LGALS2: variants seen among roughly 807,000 people sequenced by gnomAD.
LGALS2 encodes galectin 2, also known as galectin-2.
LGALS2 carries 7 observed loss-of-function variants against 10.1 expected under a neutral mutation model. The ratio of observed to expected loss-of-function variants is 0.70; its 90% CI spans 0.40 to 1.31. The LOEUF (loss-of-function observed/expected upper bound fraction) is 1.31, where lower values mean the gene tolerates loss of function less well. Ranked by LOEUF, LGALS2 falls within the 50% of genes most tolerant of loss-of-function variation. The probability of loss-of-function intolerance (pLI) is 0.01; values close to 1 mark genes in which losing one functional copy is unlikely to be tolerated. For missense variants in LGALS2, 167 were observed against 163.6 expected, an observed-to-expected ratio of 1.02 and a Z score of -0.11; for synonymous variants, 86 against 64.2, an observed-to-expected ratio of 1.34 and a Z score of -1.63.
At position 37,570,412 on chromosome 22, in the gene LGALS2, AC is replaced by A. The variant is rs1467673082; in HGVS notation, c.250-1del. On this transcript the variant is annotated splice_acceptor_variant, in intron 3 of 3. Coordinates refer to ENST00000215886, the MANE Select transcript of LGALS2 (RefSeq NM_006498.3). LOFTEE classifies it high-confidence loss of function. Reference sequence around the variant, plus strand: ...TTGTCACTCTCAAAGGTCACTGTGAACTGTGGGGAGGGAGGGTGTCAAGGAG... The same window carrying A: ...TTGTCACTCTCAAAGGTCACTGTGAATGTGGGGAGGGAGGGTGTCAAGGAG... The A allele has an allele frequency of 1.2e-6, 2 of 1,612,792 alleles. No homozygotes were observed. Among genetic ancestry groups the A allele is most frequent in the African/African-American group, 2.7e-5 (2 of 74,904 alleles).
At chr22:37,572,097 C>T (rs1306418294) in intron 1 of LGALS2, among the ~76,000 whole-genome samples, 166 bp from the exon 2 acceptor site, 2 of 152,216 alleles carry the variant, frequency 1.3e-5, no homozygotes, top group African/African-American at 4.8e-5. Context: ...AGCCAGAGCG[C>T]TCTGATCAAG....
At chr22:37,572,223 C>G (rs935922187) in intron 1 of LGALS2, among the ~76,000 whole-genome samples, 1 of 152,238 alleles carries the variant, frequency 6.6e-6, no homozygotes, top group African/African-American at 2.4e-5. Context: ...GTGCTTCCTG[C>G]CCAGTTCCGC....
Position 37,570,564 on chromosome 22 carries a change from C to T in LGALS2, c.249+12G>A. 1 of 1,614,214 alleles carries T rather than the reference C, an allele frequency of 6.2e-7. No individual in the cohort carries two copies. The highest frequency in any genetic ancestry group is 8.5e-7 in the Non-Finnish European group (1 of 1,180,022). On this transcript the variant is annotated intron_variant, in intron 3 of 3. Coordinates refer to ENST00000215886, the MANE Select transcript of LGALS2 (RefSeq NM_006498.3). ...GACATCACCCCAGTGCCCTTTCCCC[C>T]TTTGACCTCACCTTGACCTCTGACC...
intron 1 of LGALS2, among the ~76,000 whole-genome samples, chr22:37,574,091 A>G (rs1925587505): frequency 6.6e-6 from 1 of 152,064 alleles, no homozygotes; most frequent in Non-Finnish European, 1.5e-5. Flanking sequence ...CATCATTTTG[A>G]TTACTTGTTG....
chr22:37,577,189 G>A (rs897545933), intron 1 of LGALS2, among the ~76,000 whole-genome samples: 2 of 152,084 alleles, frequency 1.3e-5, no homozygotes, highest in Non-Finnish European at 1.5e-5. Context: ...AGAGAAGGTG[G>A]GGAGAGTCCG....
chr22:37,574,499 TAAAAAAAAAAA>T (rs56410387), intron 1 of LGALS2, among the ~76,000 whole-genome samples: 1 of 119,988 alleles, frequency 8.3e-6, no homozygotes, highest in South Asian at 2.7e-4. Flanking sequence ...AGACTCTGTC[TAAAAAAAAAAA>T]AAAAAAAAAA....
At chr22:37,576,235 G>A (rs1006506714) in intron 1 of LGALS2, among the ~76,000 whole-genome samples, 3 of 151,964 alleles carry the variant, frequency 2.0e-5, no homozygotes, top group South Asian at 4.1e-4. Flanking sequence ...GGCGGATCAC[G>A]AGGTCAGGAG....
At position 37,579,910 on chromosome 22, in the gene LGALS2, A is replaced by ACAGATCCTGGCGG; in HGVS notation, c.-6_-5insCCGCCAGGATCTG. The stretch of plus-strand genomic sequence containing the variant: ...GGCTAGTGTCCTCACCGTCATGGTG[A>ACAGATCCTGGCGG]CAGCTCCTGGCGGCAGCTCCCAGCG... On this transcript the variant is annotated 5_prime_UTR_variant, in exon 1 of 4. Transcript: ENST00000215886. The ACAGATCCTGGCGG allele has an allele frequency of 6.2e-7, 1 of 1,611,362 alleles. No individual in the cohort carries two copies. Among genetic ancestry groups the ACAGATCCTGGCGG allele is most frequent in the Admixed American group, 1.7e-5 (1 of 59,796 alleles).
At chr22:37,576,996 G>GA (rs1229993347) in intron 1 of LGALS2, among the ~76,000 whole-genome samples, 1 of 151,758 alleles carries the variant, frequency 6.6e-6, no homozygotes, top group African/African-American at 2.4e-5. Flanking sequence ...GAGCTGGGGG[G>GA]GTGGGGAGTT....
At chr22:37,574,948 T>TCTTA (rs1316034492) in intron 1 of LGALS2, among the ~76,000 whole-genome samples, 2 of 151,028 alleles carry the variant, frequency 1.3e-5, no homozygotes, top group Non-Finnish European at 2.9e-5. Context: ...AGTGGTGCAA[T>TCTTA]CTTGGCTCAC....
chr22:37,579,404 C>T (rs748007217), intron 1 of LGALS2, among the ~76,000 whole-genome samples: 4 of 152,074 alleles, frequency 2.6e-5, no homozygotes, highest in Non-Finnish European at 5.9e-5. Flanking sequence ...CACCACTGCA[C>T]TCCACCTGGT....
intron 2 of LGALS2, 130 bp from the exon 3 acceptor site, chr22:37,570,865 A>G (rs1601458606): frequency 1.0e-6 from 1 of 1,003,622 alleles, no homozygotes; most frequent in Non-Finnish European, 1.5e-6. Context: ...GTGCCTTAAA[A>G]CAAGGGAGGT....
chr22:37,580,074 C>G lies in LGALS2; in HGVS notation c.-169G>C, dbSNP rs533204974. 1.8e-6 allele frequency: 1 copy of G among 540,624 alleles called. No homozygotes were observed. Among genetic ancestry groups the G allele is most frequent in the South Asian group, 3.0e-5 (1 of 33,606 alleles). 33.5% of individuals were successfully genotyped at this position (540,624 alleles called of 1,614,324 possible). ...GTCTCCCCGCCTGCATCTCCCAGTACCCAGCACAAACAGGCAGAAGACTCC... is the reference window on the plus strand; with the variant it reads ...GTCTCCCCGCCTGCATCTCCCAGTAGCCAGCACAAACAGGCAGAAGACTCC... On this transcript the variant is annotated 5_prime_UTR_variant, in exon 1 of 4. Coordinates refer to ENST00000215886, the MANE Select transcript of LGALS2 (RefSeq NM_006498.3).
intron 3 of LGALS2, 69 bp downstream of exon 3, chr22:37,570,507 G>A: frequency 6.2e-7 from 1 of 1,608,628 alleles, no homozygotes; most frequent in Middle Eastern, 1.7e-4. Flanking sequence ...CTGTGTCCAG[G>A]CCAGGCTCTC....
Position 37,570,631 on chromosome 22 carries a change from C to A in LGALS2, c.194G>T (p.Trp65Leu), listed in dbSNP as rs1297565427. ...GTGATCTTCCCGTTGTTCTTGCCCC[C>A]AGTTGCTGCCGTCCAATGAGTTGCA... ...IVCNSLDGSN[W>L]GQEQREDHLC... Residue 65 changes from tryptophan to leucine, a missense_variant, in exon 3 of 4, where the codon TGG (tryptophan) becomes TTG (leucine). Trp to Leu is a moderately conservative substitution (Grantham distance 61). Transcript: ENST00000215886. 6.2e-7 allele frequency: 1 copy of A among 1,614,254 alleles called. No individual in the cohort carries two copies. The highest frequency in any genetic ancestry group is 1.3e-5 in the African/African-American group (1 of 75,062).
rs199836729 is a variant in LGALS2, at chr22:37,570,570, C to T, written c.249+6G>A. The T allele has an allele frequency of 9.3e-6, 15 of 1,614,248 alleles. No individual in the cohort carries two copies. The Admixed American group carries it at 2.5e-4, about 27-fold the overall frequency. On this transcript the variant is annotated splice_donor_region_variant and intron_variant, in intron 3 of 3. Coordinates refer to ENST00000215886, the MANE Select transcript of LGALS2 (RefSeq NM_006498.3). Reference sequence around the variant, plus strand: ...ACCCCAGTGCCCTTTCCCCCTTTGACCTCACCTTGACCTCTGACCCTGGGC... The same window carrying T: ...ACCCCAGTGCCCTTTCCCCCTTTGATCTCACCTTGACCTCTGACCCTGGGC...
chr22:37,573,319 C>T (rs1925560990), intron 1 of LGALS2, among the ~76,000 whole-genome samples: 1 of 152,100 alleles, frequency 6.6e-6, no homozygotes, highest in Admixed American at 6.6e-5. Context: ...TATAAAACTC[C>T]GCAAGTCCTA....
chr22:37,576,736 A>G (rs962174873), intron 1 of LGALS2, among the ~76,000 whole-genome samples: 1 of 152,156 alleles, frequency 6.6e-6, no homozygotes, highest in Non-Finnish European at 1.5e-5. Flanking sequence ...GACTAAGAGA[A>G]GCACCCACAC....
intron 1 of LGALS2, among the ~76,000 whole-genome samples, chr22:37,575,874 C>T (rs550893928): frequency 2.1e-4 from 32 of 152,330 alleles, no homozygotes; most frequent in African/African-American, 7.5e-4. Context: ...TCAGCCTTGG[C>T]CGTCTGGACG....
Sources: allele counts gnomAD v4.1 joint callset (sites outside exome capture counted in the v4.1 genomes callset), GRCh38; gene constraint gnomAD v4.1.1; transcripts MANE v1.5; gene names NCBI Gene and HGNC (gene_info 2026-07-23, HGNC 2026-07-21).